SLC10A7: variants seen among roughly 807,000 people sequenced by gnomAD.
SLC10A7 encodes solute carrier family 10 member 7.
SLC10A7 carries 29 observed loss-of-function variants against 43.2 expected under a neutral mutation model. The ratio of observed to expected loss-of-function variants is 0.67; its 90% CI spans 0.50 to 0.92. The LOEUF (loss-of-function observed/expected upper bound fraction) is 0.92. Among genes scored for constraint, SLC10A7 ranks in the 40% least tolerant of loss-of-function variants. The pLI, the probability that SLC10A7 is intolerant of heterozygous loss-of-function variation, is 0.00. For synonymous variants in SLC10A7, 152 were observed against 144.8 expected (o/e 1.05, Z -0.35); for missense variants, 295 against 403.2 (o/e 0.73, Z 2.30).
intron 9 of SLC10A7, among the ~76,000 whole-genome samples, chr4:146,286,297 AGTTTGGAGTGGTGAGAAGGACTGT>A (rs1560763392): frequency 1.5e-4 from 2 of 13,756 alleles, no homozygotes; most frequent in East Asian, 2.1e-3. Flanking sequence ...AGAAGGACTG[AGTTTGGAGTGGTGAGAAGGACTGT>A]GTTTGGAGTG....
intron 4 of SLC10A7, 101 bp from the exon 5 acceptor site, chr4:146,442,922 A>T: frequency 1.2e-6 from 1 of 867,950 alleles, no homozygotes; most frequent in South Asian, 1.9e-5. Flanking sequence ...TCAAAACCTT[A>T]AAACATTGAC....
At chr4:146,269,970 C>A (rs1578748283) in intron 10 of SLC10A7, among the ~76,000 whole-genome samples, 1 of 152,240 alleles carries the variant, frequency 6.6e-6, no homozygotes, top group Admixed American at 6.5e-5. Context: ...AATTACCTTC[C>A]AGTGGTAATT....
chr4:146,471,519 C>G (rs1733571551), intron 4 of SLC10A7, among the ~76,000 whole-genome samples: 1 of 152,104 alleles, frequency 6.6e-6, no homozygotes, highest in Non-Finnish European at 1.5e-5. Flanking sequence ...TAAAGTCACT[C>G]CTATTTGGTG....
At chr4:146,503,122 A>C (rs1278866802) in intron 4 of SLC10A7, among the ~76,000 whole-genome samples, 1 of 152,218 alleles carries the variant, frequency 6.6e-6, no homozygotes, top group African/African-American at 2.4e-5. Context: ...AAATGAAAAT[A>C]GATGTTGAAA....
intron 1 of SLC10A7, among the ~76,000 whole-genome samples, chr4:146,517,586 T>A (rs1337039579): frequency 3.9e-5 from 6 of 152,180 alleles, no homozygotes; most frequent in African/African-American, 7.2e-5. Flanking sequence ...ATTTGTGTGA[T>A]GCAGCCTAAC....
intron 5 of SLC10A7, among the ~76,000 whole-genome samples, chr4:146,407,616 C>T (rs1334197796): frequency 2.0e-5 from 3 of 152,284 alleles, no homozygotes; most frequent in East Asian, 3.9e-4. Context: ...AATCCAGATA[C>T]AGCATATTCT....
intron 4 of SLC10A7, 34 bp from the exon 5 acceptor site, chr4:146,442,855 T>C (rs1189323033): frequency 1.4e-6 from 2 of 1,394,322 alleles, no homozygotes; most frequent in East Asian, 2.3e-5. Context: ...AAAAAACTCA[T>C]TGAAAGTAAA....
intron 5 of SLC10A7, among the ~76,000 whole-genome samples, chr4:146,386,799 T>G (rs1738034581): frequency 6.6e-6 from 1 of 152,352 alleles, no homozygotes; most frequent in East Asian, 1.9e-4. Context: ...TACTACATAC[T>G]GCTTTCTTCT....
At chr4:146,322,131 A>G (rs562068797) in intron 6 of SLC10A7, among the ~76,000 whole-genome samples, 2 of 152,276 alleles carry the variant, frequency 1.3e-5, no homozygotes, top group South Asian at 2.1e-4. Context: ...TGAGTAGGGG[A>G]AAGCTTGTAA....
At chr4:146,379,959 C>CTCTCTG (rs1737493241) in intron 5 of SLC10A7, among the ~76,000 whole-genome samples, 1 of 80,346 alleles carries the variant, frequency 1.2e-5, no homozygotes, top group African/African-American at 5.0e-5. Context: ...CTCTCTCTCT[C>CTCTCTG]TGTGTGTGTG....
At chr4:146,383,495 G>A (rs1260653164) in intron 5 of SLC10A7, among the ~76,000 whole-genome samples, 1 of 152,168 alleles carries the variant, frequency 6.6e-6, no homozygotes, top group Non-Finnish European at 1.5e-5. Flanking sequence ...ATCTCTAGAC[G>A]ATATTTAAGC....
At chr4:146,324,675 C>A (rs1732981965) in intron 6 of SLC10A7, among the ~76,000 whole-genome samples, 2 of 152,136 alleles carry the variant, frequency 1.3e-5, no homozygotes, top group Non-Finnish European at 2.9e-5. Flanking sequence ...GGAAACTGTC[C>A]TGTGATCCCA....
intron 11 of SLC10A7, among the ~76,000 whole-genome samples, chr4:146,257,752 C>A (rs1727971306): frequency 1.3e-5 from 2 of 152,138 alleles, no homozygotes; most frequent in South Asian, 4.1e-4. Context: ...GTAAAGTATG[C>A]CCCAGGTTAC....
In SLC10A7 at chr4:146,396,088, T is replaced by C. The variant is rs144369667; in HGVS notation, c.435+46695A>G. 5.4e-4 allele frequency among the ~76,000 whole-genome samples: 83 copies of C among 152,296 alleles called. 1 individual carries two copies. Among genetic ancestry groups the C allele is most frequent in the Non-Finnish European group, 1.9e-4 (13 of 68,014 alleles). On this transcript the variant is annotated intron_variant, in intron 5 of 11. Coordinates refer to ENST00000335472, the MANE Select transcript of SLC10A7 (RefSeq NM_001029998.6). ...TCTTCTCTCTGGCTCAGACATATTA[T>C]ATAAAAGGTTGCTTAATCATGTCTA...
At chr4:146,340,613 A>C (rs1191992485) in intron 5 of SLC10A7, among the ~76,000 whole-genome samples, 1 of 151,698 alleles carries the variant, frequency 6.6e-6, no homozygotes, top group Non-Finnish European at 1.5e-5. Context: ...TGAATTATTA[A>C]AAACAGTACT....
At chr4:146,348,196 C>A (rs943037081) in intron 5 of SLC10A7, among the ~76,000 whole-genome samples, 11 of 152,122 alleles carry the variant, frequency 7.2e-5, no homozygotes, top group Non-Finnish European at 1.6e-4. Flanking sequence ...AATTACCAAA[C>A]CTCGTTGGCT....
intron 4 of SLC10A7, among the ~76,000 whole-genome samples, chr4:146,503,377 T>C (rs1736595769): frequency 6.6e-6 from 1 of 152,218 alleles, no homozygotes; most frequent in Non-Finnish European, 1.5e-5. Flanking sequence ...CCCTAGCAGT[T>C]GAATAATCTC....
intron 4 of SLC10A7, among the ~76,000 whole-genome samples, chr4:146,454,411 G>A (rs765146711): frequency 6.6e-5 from 10 of 151,684 alleles, no homozygotes; most frequent in Non-Finnish European, 1.5e-4. Context: ...ACAGGCAAAG[G>A]ATCTTTTCCA....
intron 4 of SLC10A7, among the ~76,000 whole-genome samples, chr4:146,460,083 G>T (rs962199144): frequency 6.6e-6 from 1 of 151,872 alleles, no homozygotes; most frequent in South Asian, 2.1e-4. Flanking sequence ...CACATGAAAA[G>T]ATCCTAAACA....
Sources: allele counts gnomAD v4.1 joint callset (sites outside exome capture counted in the v4.1 genomes callset), GRCh38; gene constraint gnomAD v4.1.1; transcripts MANE v1.5; gene names NCBI Gene and HGNC (gene_info 2026-07-23, HGNC 2026-07-21).